Variants in SYK observed in about 807,000 individuals in gnomAD.
The protein encoded by SYK is spleen associated tyrosine kinase, also known as tyrosine-protein kinase SYK.
In SYK, 16 loss-of-function variants were observed where a neutral mutation model predicts 77.8. The observed-to-expected ratio is 0.21, with a 90% CI of 0.14 to 0.31. SYK has a LOEUF of 0.31. SYK is among the 10% of genes least tolerant of loss of function. The pLI is 1.00. For missense variants in SYK, 529 were observed against 814.4 expected (o/e 0.65, Z 4.26); for synonymous variants, 312 against 308.7 (o/e 1.01, Z -0.11).
At chr9:90,864,457 T>G in intron 4 of SYK, 132 bp from the exon 5 acceptor site, 1 of 752,242 alleles carries the variant, frequency 1.3e-6, no homozygotes, top group East Asian at 2.7e-5. Context: ...TGGAGTGGAC[T>G]TAAGCACATA....
At chr9:90,849,166 C>T (rs368827869) in intron 3 of SYK, among the ~76,000 whole-genome samples, 11 of 152,324 alleles carry the variant, frequency 7.2e-5, no homozygotes, top group East Asian at 5.8e-4. Flanking sequence ...AGCTGACATT[C>T]GGTGGGCTCT....
At chr9:90,816,066 GTTTGT>G (rs915818152) in intron 1 of SYK, among the ~76,000 whole-genome samples, 33 of 152,238 alleles carry the variant, frequency 2.2e-4, no homozygotes, top group African/African-American at 7.7e-4. Flanking sequence ...TTTTTTGTTT[GTTTGT>G]TTTGTTTTGT....
intron 1 of SYK, among the ~76,000 whole-genome samples, chr9:90,808,277 G>A (rs916957926): frequency 4.6e-5 from 7 of 152,056 alleles, no homozygotes; most frequent in Non-Finnish European, 8.8e-5. Flanking sequence ...AATTTCCAAG[G>A]AATGTAGTTA....
intron 11 of SYK, among the ~76,000 whole-genome samples, chr9:90,882,732 T>C (rs1256133322): frequency 6.6e-6 from 1 of 152,172 alleles, no homozygotes; most frequent in Non-Finnish European, 1.5e-5. Flanking sequence ...ATATTCACAC[T>C]TCCAATAGAT....
At chr9:90,838,990 G>A (rs1396229003) in intron 1 of SYK, among the ~76,000 whole-genome samples, 1 of 152,210 alleles carries the variant, frequency 6.6e-6, no homozygotes, top group African/African-American at 2.4e-5. Context: ...ACTACGCTGG[G>A]TGAAAAGTGA....
chr9:90,878,766 A>C lies in SYK; in HGVS notation c.1394A>C (p.His465Pro). ...PLNKYLQQNR[H>P]VKDKNIIELV... The stretch of plus-strand genomic sequence containing the variant: ...GATGAGATCATTATGACTTTCAGAC[A>C]TGTCAAGGATAAGAACATCATAGAA... The change falls in exon 11 of 14, where the codon CAT (histidine) becomes CCT (proline). Residue 465 changes from histidine (H) to proline (P), a missense_variant and splice_region_variant. His to Pro is a moderately conservative substitution (Grantham distance 77, BLOSUM62 -2). This residue lies in a region of SYK where 208 missense variants were observed against 381.3 expected (regional missense o/e 0.55). Transcript: ENST00000375754. The C allele has an allele frequency of 3.1e-6, 5 of 1,602,762 alleles. No individual in the cohort carries two copies. Among genetic ancestry groups the C allele is most frequent in the Non-Finnish European group, 4.3e-6 (5 of 1,170,488 alleles).
At chr9:90,867,000 T>G (rs1827523592) in intron 6 of SYK, 131 bp from the exon 7 acceptor site, 1 of 907,704 alleles carries the variant, frequency 1.1e-6, no homozygotes, top group Admixed American at 2.0e-5. Flanking sequence ...CCGTGGTCGA[T>G]CTCATTGGCA....
chr9:90,826,469 T>C (rs1450979549), intron 1 of SYK, among the ~76,000 whole-genome samples: 1 of 152,236 alleles, frequency 6.6e-6, no homozygotes, highest in African/African-American at 2.4e-5. Context: ...TTCTATAAAA[T>C]GAGAACTTGT....
chr9:90,813,671 T>G (rs1825181092), intron 1 of SYK, among the ~76,000 whole-genome samples: 1 of 152,176 alleles, frequency 6.6e-6, no homozygotes, highest in Admixed American at 6.5e-5. Context: ...TGTCAAATGT[T>G]CATGGTTGAG....
At chr9:90,812,055 G>T (rs1825101637) in intron 1 of SYK, among the ~76,000 whole-genome samples, 1 of 151,890 alleles carries the variant, frequency 6.6e-6, no homozygotes, top group South Asian at 2.1e-4. Flanking sequence ...TATCCAGTGT[G>T]TACACATGTG....
At position 90,839,775 on chromosome 9, in the gene SYK, G is replaced by A. The variant is rs151199263; in HGVS notation, c.-41-4083G>A. On this transcript the variant is annotated intron_variant, in intron 1 of 13. Transcript: ENST00000375754. ...GCCCTGCAGAGGGGACACAAGCATC[G>A]GGGCCAGGTACACAGTGACAGGGGT... Among the ~76,000 whole-genome samples, 5 of 152,276 alleles carry A rather than the reference G, an allele frequency of 3.3e-5. No individual in the cohort carries two copies. The East Asian group carries it at 7.7e-4, about 24-fold the overall frequency.
At chr9:90,862,678 G>T (rs748592320) in intron 4 of SYK, among the ~76,000 whole-genome samples, 1 of 152,218 alleles carries the variant, frequency 6.6e-6, no homozygotes. Context: ...TAAGTGCAGG[G>T]CTGTGTTCAG....
rs199932327 is a variant in SYK at position 90,845,445 on chromosome 9, G to A, written c.429G>A (p.Leu143=). 4.3e-6 allele frequency: 7 copies of A among 1,613,948 alleles called. No homozygotes were observed. The highest frequency in any genetic ancestry group is 1.1e-5 in the South Asian group (1 of 91,062). The part of the protein sequence containing the change: ...KQTWNLQGQA[L]EQAIISQKPQ... ...TCTCCATGTGGCAGGGTCAGGCTCT[G>A]GAGCAGGCCATCATCAGTCAGAAGC... Residue 143 remains leucine, a synonymous_variant, in exon 3 of 14, where the codon CTG becomes CTA. Transcript: ENST00000375754.
At chr9:90,879,608 T>C (rs80248194) in intron 11 of SYK, among the ~76,000 whole-genome samples, 2 of 152,366 alleles carry the variant, frequency 1.3e-5, no homozygotes, top group Admixed American at 6.5e-5. Flanking sequence ...CCACTACATA[T>C]GTAGAAATTG....
intron 1 of SYK, among the ~76,000 whole-genome samples, chr9:90,805,624 T>G (rs980901866): frequency 2.0e-5 from 3 of 152,244 alleles, no homozygotes; most frequent in Non-Finnish European, 4.4e-5. Flanking sequence ...CATATGACCT[T>G]TCATTTCTCC....
chr9:90,802,742 T>G (rs904222031), intron 1 of SYK, among the ~76,000 whole-genome samples: 1 of 140,242 alleles, frequency 7.1e-6, no homozygotes. Context: ...TTGCAAAATA[T>G]TTTTTGAGTT....
chr9:90,839,970 G>T (rs917057263), intron 1 of SYK, among the ~76,000 whole-genome samples: 2 of 152,152 alleles, frequency 1.3e-5, no homozygotes, highest in Non-Finnish European at 2.9e-5. Flanking sequence ...GCTGATGTGC[G>T]CTTTGAGGGA....
At position 90,897,043 on chromosome 9, in the gene SYK, A is replaced by G. The variant is rs1438426855; in HGVS notation, c.*1443A>G. On this transcript the variant is annotated 3_prime_UTR_variant, in exon 14 of 14. Coordinates refer to ENST00000375754, the MANE Select transcript of SYK (RefSeq NM_003177.7). ...CTCTGTCAAAACAAACAAACAAAAA[A>G]ACAACTTAAAGAGGTAATTTAGCCA... 1.4e-5 allele frequency: 3 copies of G among 215,764 alleles called. No individual in the cohort carries two copies. The highest frequency in any genetic ancestry group is 2.3e-5 in the African/African-American group (1 of 44,386). The allele number at this position is 215,764 out of a possible 1,614,324, so 13.4% of individuals were successfully genotyped here. A position where few individuals can be genotyped will look rare whatever the true frequency, so the allele number is the denominator to read the frequency against.
At chr9:90,835,542 A>G (rs986691869) in intron 1 of SYK, among the ~76,000 whole-genome samples, 2 of 152,224 alleles carry the variant, frequency 1.3e-5, no homozygotes, top group African/African-American at 4.8e-5. Context: ...GGGGAAGCAG[A>G]ACTGGCTGTG....
Sources: allele counts gnomAD v4.1 joint callset (sites outside exome capture counted in the v4.1 genomes callset), GRCh38; gene constraint gnomAD v4.1.1; regional missense constraint gnomAD v4.1.1; transcripts MANE v1.5; gene names NCBI Gene and HGNC (gene_info 2026-07-23, HGNC 2026-07-21).